The following PLPPR2 variants were observed in gnomAD, a reference collection of about 807,000 sequenced individuals.
PLPPR2 encodes the protein phospholipid phosphatase-related protein type 2.
In PLPPR2, 11 loss-of-function variants were observed where a neutral mutation model predicts 40.3. The observed-to-expected ratio is 0.27, with a 90% CI of 0.17 to 0.45. PLPPR2 has a LOEUF of 0.45. PLPPR2 is among the 20% of genes least tolerant of loss of function. The pLI, the probability that PLPPR2 is intolerant of heterozygous loss-of-function variation, is 1.00. For synonymous variants in PLPPR2, 260 were observed against 290.8 expected (o/e 0.89, Z 1.08); for missense variants, 497 against 640.7 (o/e 0.78, Z 2.42).
rs751291495 is a variant in PLPPR2 at position 11,361,334 on chromosome 19, G to A, written c.509G>A (p.Gly170Asp). 3.7e-6 allele frequency: 6 copies of A among 1,613,574 alleles called. No homozygotes were observed. The highest frequency in any genetic ancestry group is 1.3e-5 in the African/African-American group (1 of 75,044). The change falls in exon 6 of 10, where the codon GGC becomes GAC. Residue 170 changes from glycine (G) to aspartate (D), a missense_variant. Gly to Asp is a moderately conservative substitution (Grantham distance 94, BLOSUM62 -1). Coordinates refer to ENST00000688289, the MANE Select transcript of PLPPR2 (RefSeq NM_001393892.1). The surrounding 1 kb of genome is among the most constrained non-coding windows in gnomAD (Gnocchi z 6.3). ...TGCCGCCCCAACTACACGGCCCTGG[G>A]CTGCCTGCCACCTTCTCCGGATCGG... ...SVCRPNYTALGCLPPSPDRPG... is the reference protein window; with the variant it reads ...SVCRPNYTALDCLPPSPDRPG...
chr19:11,358,656 CCT>C (rs565060533), intron 3 of PLPPR2, among the ~76,000 whole-genome samples: 8 of 149,794 alleles, frequency 5.3e-5, no homozygotes, highest in South Asian at 2.1e-4. Flanking sequence ...TCCTGGCTTT[CCT>C]CTCTCTCTGT....
At position 11,357,677 on chromosome 19, in the gene PLPPR2, G is replaced by A. The variant is rs1967924554; in HGVS notation, c.4G>A (p.Ala2Thr). The change falls in exon 3 of 10, where the codon GCG (alanine) becomes ACG (threonine). Residue 2 changes from alanine (A) to threonine (T), a missense_variant. Transcript: ENST00000688289. The stretch of plus-strand genomic sequence containing the variant: ...CTCTGCAGGCCTGGCCTTCACCATG[G>A]CGGGAGGGAGACCGCATCTGAAGAG... MAGGRPHLKRSF... is the reference protein window; with the variant it reads MTGGRPHLKRSF... 2 of 1,606,492 alleles carry A rather than the reference G, an allele frequency of 1.2e-6. No individual in the cohort carries two copies. Among genetic ancestry groups the A allele is most frequent in the South Asian group, 1.1e-5 (1 of 89,554 alleles).
At position 11,363,947 on chromosome 19, in the gene PLPPR2, G is replaced by A; in HGVS notation, c.963+112G>A. On this transcript the variant is annotated intron_variant, in intron 8 of 9. Transcript: ENST00000688289. The surrounding 1 kb of genome is among the most constrained non-coding windows in gnomAD (Gnocchi z 4.8). ...GGGGGTCTCAGAACCATGGGGAAGTGGAGGGATCACCCATCTCTGTGGACA... is the reference window on the plus strand; with the variant it reads ...GGGGGTCTCAGAACCATGGGGAAGTAGAGGGATCACCCATCTCTGTGGACA... The A allele has an allele frequency of 1.4e-6, 2 of 1,406,686 alleles. No homozygotes were observed. Among genetic ancestry groups the A allele is most frequent in the African/African-American group, 2.9e-5 (2 of 69,894 alleles). The allele number at this position is 1,406,686 out of a possible 1,614,324, so 87.1% of individuals were successfully genotyped here.
chr19:11,363,618 C>A lies in PLPPR2; in HGVS notation c.841-95C>A. 2.1e-6 allele frequency: 3 copies of A among 1,411,640 alleles called. No homozygotes were observed. The highest frequency in any genetic ancestry group is 2.8e-6 in the Non-Finnish European group (3 of 1,062,596). 87.4% of individuals were successfully genotyped at this position (1,411,640 alleles called of 1,614,324 possible). A position where few individuals can be genotyped will look rare whatever the true frequency, so the allele number is the denominator to read the frequency against. ...CATTAGCTGTTTTTGAAAACCGGAG[C>A]CTCACTTTCCTTATCTGAAAAATGG... On this transcript the variant is annotated intron_variant, in intron 7 of 9. Transcript: ENST00000688289. This position sits in a 1 kb window ranked among gnomAD's most constrained non-coding sequence, Gnocchi z 4.8.
chr19:11,364,560 G>C lies in PLPPR2; in HGVS notation c.1229G>C (p.Arg410Pro). Residue 410 changes from arginine to proline, a missense_variant, in exon 10 of 10, where the codon CGT becomes CCT. Arg to Pro is a moderately radical substitution (Grantham distance 103). Transcript: ENST00000688289. The surrounding 1 kb of genome is among the most constrained non-coding windows in gnomAD (Gnocchi z 5.8). ...GGGGGGCCAGGCGGGGGTGGTGGACGTGGCCGGAAGCTGCTGCTGCCCACG... is the reference window on the plus strand; with the variant it reads ...GGGGGGCCAGGCGGGGGTGGTGGACCTGGCCGGAAGCTGCTGCTGCCCACG... ...GPGGPGGGGGRGRKLLLPTPL... is the reference protein window; with the variant it reads ...GPGGPGGGGGPGRKLLLPTPL... 6.5e-7 allele frequency: 1 copy of C among 1,536,846 alleles called. No individual in the cohort carries two copies. Among genetic ancestry groups the C allele is most frequent in the Non-Finnish European group, 8.7e-7 (1 of 1,146,714 alleles).
In PLPPR2 at chr19:11,361,799, C is replaced by T. The variant is rs1333584486; in HGVS notation, c.663+311C>T. ...AGGACAGTCCCTGATGTGCAAGACT[C>T]GGAACCCCTATAGCCTAGCCAGGCC... is the stretch of plus-strand genomic sequence containing the variant. On this transcript the variant is annotated intron_variant, in intron 6 of 9. Transcript: ENST00000688289. The surrounding 1 kb of genome is among the most constrained non-coding windows in gnomAD (Gnocchi z 6.3). 6.6e-6 allele frequency among the ~76,000 whole-genome samples: 1 copy of T among 152,120 alleles called. No homozygotes were observed. Among genetic ancestry groups the T allele is most frequent in the Non-Finnish European group, 1.5e-5 (1 of 67,992 alleles).
chr19:11,360,075 G>A, intron 5 of PLPPR2, 119 bp downstream of exon 5: 1 of 1,363,574 alleles, frequency 7.3e-7, no homozygotes, highest in Non-Finnish European at 9.7e-7. Context: ...GCTCACGCCT[G>A]TAATCTCAGC....
Position 11,364,192 on chromosome 19 carries a change from C to T in PLPPR2, c.995C>T (p.Pro332Leu), listed in dbSNP as rs1218000512. ...GAGGTCTGCAGGCCGCATTCGACAC[C>T]GGCACGGCTCACCCCATCCAGTGAG... ...EPEVCRPHST[P>L]ARLTPSKSQN... The change falls in exon 9 of 10, where the codon CCG (proline) becomes CTG (leucine). Residue 332 changes from proline to leucine, a missense_variant. Transcript: ENST00000688289. The surrounding 1 kb of genome is among the most constrained non-coding windows in gnomAD (Gnocchi z 5.8). The T allele has an allele frequency of 9.3e-6, 15 of 1,612,288 alleles. No individual in the cohort carries two copies. The highest frequency in any genetic ancestry group is 4.4e-5 in the South Asian group (4 of 90,846).
chr19:11,363,123 G>C lies in PLPPR2; in HGVS notation c.840+434G>C, dbSNP rs561214740. Among the ~76,000 whole-genome samples the C allele has an allele frequency of 3.3e-5, 5 of 152,120 alleles. No individual in the cohort carries two copies. The South Asian group carries it at 1.0e-3, about 32-fold the overall frequency. On this transcript the variant is annotated intron_variant, in intron 7 of 9. Transcript: ENST00000688289. The surrounding 1 kb of genome is among the most constrained non-coding windows in gnomAD (Gnocchi z 4.8). ...AGCCTGGTCAACATGGCCAAACCCT[G>C]TCCCTGCTAAAAATACAAAAATTAG...
Position 11,364,458 on chromosome 19 carries a change from C to T in PLPPR2, c.1127C>T (p.Pro376Leu), listed in dbSNP as rs771001798. 1.1e-5 allele frequency: 17 copies of T among 1,512,532 alleles called. No homozygotes were observed. The highest frequency in any genetic ancestry group is 4.7e-5 in the East Asian group (2 of 42,464). 93.7% of individuals were successfully genotyped at this position (1,512,532 alleles called of 1,614,324 possible). A position where few individuals can be genotyped will look rare whatever the true frequency, so the allele number is the denominator to read the frequency against. The part of the protein sequence containing the change: ...RVPRPRLRSE[P>L]TPLPLPLPLP... ...CCCCGTCCTCGATTGAGGTCTGAGC[C>T]GACGCCCTTGCCCCTGCCCCTACCC... The change falls in exon 10 of 10, where the codon CCG (proline) becomes CTG (leucine). Residue 376 changes from proline to leucine, a missense_variant. By Grantham distance (98) the Pro-to-Leu change is moderately conservative. Coordinates refer to ENST00000688289, the MANE Select transcript of PLPPR2 (RefSeq NM_001393892.1). This position sits in a 1 kb window ranked among gnomAD's most constrained non-coding sequence, Gnocchi z 5.8.
At position 11,361,591 on chromosome 19, in the gene PLPPR2, G is replaced by A. The variant is rs900414615; in HGVS notation, c.663+103G>A. ...TGGAGCCTCTGCTCTTCCACGCCCC[G>A]GGTGCTGTTGGAAGCTCTCGCTCCA... On this transcript the variant is annotated intron_variant, in intron 6 of 9. Coordinates refer to ENST00000688289, the MANE Select transcript of PLPPR2 (RefSeq NM_001393892.1). The surrounding 1 kb of genome is among the most constrained non-coding windows in gnomAD (Gnocchi z 6.3). The A allele has an allele frequency of 6.2e-6, 9 of 1,459,426 alleles. No individual in the cohort carries two copies. The highest frequency in any genetic ancestry group is 2.8e-5 in the African/African-American group (2 of 70,918). 90.4% of individuals were successfully genotyped at this position (1,459,426 alleles called of 1,614,324 possible).
chr19:11,364,270 C>A lies in PLPPR2; in HGVS notation c.1015+58C>A. 1 of 1,576,188 alleles carries A rather than the reference C, an allele frequency of 6.3e-7. No individual in the cohort carries two copies. The highest frequency in any genetic ancestry group is 8.6e-7 in the Non-Finnish European group (1 of 1,159,496). On this transcript the variant is annotated intron_variant, in intron 9 of 9. Coordinates refer to ENST00000688289, the MANE Select transcript of PLPPR2 (RefSeq NM_001393892.1). This position sits in a 1 kb window ranked among gnomAD's most constrained non-coding sequence, Gnocchi z 5.8. ...GGGACTTCCAGGTGGGCAGCCACTG[C>A]CCCAGAGGTCTCACCTAGGCCTTTA... is the stretch of plus-strand genomic sequence containing the variant.
In PLPPR2 at chr19:11,364,291, C is replaced by T; in HGVS notation, c.1016-56C>T. ...ACTGCCCCAGAGGTCTCACCTAGGC[C>T]TTTATGCTGCCTCCCGAGTTTTCTG... On this transcript the variant is annotated intron_variant, in intron 9 of 9. Coordinates refer to ENST00000688289, the MANE Select transcript of PLPPR2 (RefSeq NM_001393892.1). This position sits in a 1 kb window ranked among gnomAD's most constrained non-coding sequence, Gnocchi z 5.8. 6.5e-7 allele frequency: 1 copy of T among 1,537,518 alleles called. No individual in the cohort carries two copies. The highest frequency in any genetic ancestry group is 8.8e-7 in the Non-Finnish European group (1 of 1,142,270).
Position 11,359,918 on chromosome 19 carries a change from G to C in PLPPR2, c.353G>C (p.Arg118Pro). 1 of 1,612,446 alleles carries C rather than the reference G, an allele frequency of 6.2e-7. No individual in the cohort carries two copies. The highest frequency in any genetic ancestry group is 8.5e-7 in the Non-Finnish European group (1 of 1,179,170). ...ESTIVSGACCRFSPPVRRLVR... is the reference protein window; with the variant it reads ...ESTIVSGACCPFSPPVRRLVR... ...ACCATCGTGTCTGGGGCCTGCTGCCGCTTCAGCCCCCCAGTGCGGAGGCTG... is the reference window on the plus strand; with the variant it reads ...ACCATCGTGTCTGGGGCCTGCTGCCCCTTCAGCCCCCCAGTGCGGAGGCTG... The change falls in exon 5 of 10, where the codon CGC (arginine) becomes CCC (proline). Residue 118 changes from arginine (R) to proline (P), a missense_variant. Physicochemically the swap from Arg to Pro is moderately radical, Grantham distance 103 (BLOSUM62 -2). Coordinates refer to ENST00000688289, the MANE Select transcript of PLPPR2 (RefSeq NM_001393892.1). The surrounding 1 kb of genome is among the most constrained non-coding windows in gnomAD (Gnocchi z 5.6).
Position 11,363,940 on chromosome 19 carries a change from G to T in PLPPR2, c.963+105G>T, listed in dbSNP as rs1457760019. ...AAGAGGTGGGGGTCTCAGAACCATGGGGAAGTGGAGGGATCACCCATCTCT... is the reference window on the plus strand; with the variant it reads ...AAGAGGTGGGGGTCTCAGAACCATGTGGAAGTGGAGGGATCACCCATCTCT... On this transcript the variant is annotated intron_variant, in intron 8 of 9. Coordinates refer to ENST00000688289, the MANE Select transcript of PLPPR2 (RefSeq NM_001393892.1). This position sits in a 1 kb window ranked among gnomAD's most constrained non-coding sequence, Gnocchi z 4.8. 24 of 1,406,938 alleles carry T rather than the reference G, an allele frequency of 1.7e-5. No homozygotes were observed. Among genetic ancestry groups the T allele is most frequent in the Non-Finnish European group, 2.3e-5 (24 of 1,044,032 alleles). The allele number at this position is 1,406,938 out of a possible 1,614,324, so 87.2% of individuals were successfully genotyped here.
At position 11,361,139 on chromosome 19, in the gene PLPPR2, G is replaced by A; in HGVS notation, c.392-78G>A. On this transcript the variant is annotated intron_variant, in intron 5 of 9. Transcript: ENST00000688289. The surrounding 1 kb of genome is among the most constrained non-coding windows in gnomAD (Gnocchi z 6.3). ...TGCTTTAATGACAGTCACAGGAAAA[G>A]GGAGCTAAGAGGCCCAATGGAATCA... 6.6e-7 allele frequency: 1 copy of A among 1,505,702 alleles called. No homozygotes were observed. The highest frequency in any genetic ancestry group is 8.9e-7 in the Non-Finnish European group (1 of 1,124,980). 93.3% of individuals were successfully genotyped at this position (1,505,702 alleles called of 1,614,324 possible). A position where few individuals can be genotyped will look rare whatever the true frequency, so the allele number is the denominator to read the frequency against.
intron 1 of PLPPR2, among the ~76,000 whole-genome samples, chr19:11,356,325 C>G (rs993350293): frequency 2.0e-5 from 3 of 151,514 alleles, no homozygotes; most frequent in Admixed American, 2.0e-4. Flanking sequence ...TGCGGTGACT[C>G]TTTTCTGTGA....
chr19:11,364,235 G>GCTAAACAGGGGGA lies in PLPPR2; in HGVS notation c.1015+26_1015+38dup. On this transcript the variant is annotated intron_variant, in intron 9 of 9. Transcript: ENST00000688289. The surrounding 1 kb of genome is among the most constrained non-coding windows in gnomAD (Gnocchi z 5.8). ...CCAGTGAGTGTTGGGGGAGTGGGGG[G>GCTAAACAGGGGGA]CTAAACAGGGGGACTTCCAGGTGGG... 1 of 1,602,120 alleles carries GCTAAACAGGGGGA rather than the reference G, an allele frequency of 6.2e-7. No individual in the cohort carries two copies. Among genetic ancestry groups the GCTAAACAGGGGGA allele is most frequent in the Non-Finnish European group, 8.5e-7 (1 of 1,172,736 alleles).
At position 11,361,889 on chromosome 19, in the gene PLPPR2, TCCTTGCCCCTCTTCTGGAGC is replaced by T. The variant is rs1042663025; in HGVS notation, c.663+414_663+433del. Among the ~76,000 whole-genome samples, 5 of 148,304 alleles carry T rather than the reference TCCTTGCCCCTCTTCTGGAGC, an allele frequency of 3.4e-5. No homozygotes were observed. Among genetic ancestry groups the T allele is most frequent in the East Asian group, 1.9e-4 (1 of 5,158 alleles). ...GGGCAGATGGGACGGCCCCCTGGAG[TCCTTGCCCCTCTTCTGGAGC>T]CCTTGCCCCTCTCCTGGGGGCCTTG... On this transcript the variant is annotated intron_variant, in intron 6 of 9. Coordinates refer to ENST00000688289, the MANE Select transcript of PLPPR2 (RefSeq NM_001393892.1). This position sits in a 1 kb window ranked among gnomAD's most constrained non-coding sequence, Gnocchi z 6.3.
Sources: gnomAD v4.1 joint callset for allele counts (sites outside exome capture counted in the v4.1 genomes callset) on GRCh38, gnomAD v4.1.1 for gene constraint, Gnocchi (gnomAD v3.1) non-coding constraint, MANE v1.5 for transcripts, NCBI Gene and HGNC (gene_info 2026-07-23, HGNC 2026-07-21) for gene names.